MMP26: variants seen among roughly 807,000 people sequenced by gnomAD.
MMP26 encodes matrix metallopeptidase 26, also known as matrix metalloproteinase-26.
In MMP26, 33 loss-of-function variants were observed where a neutral mutation model predicts 31.0. The ratio of observed to expected loss-of-function variants is 1.06; its 90% CI spans 0.81 to 1.42. The LOEUF (loss-of-function observed/expected upper bound fraction) is 1.42. Ranked by LOEUF, MMP26 falls within the 40% of genes most tolerant of loss-of-function variation. The probability of loss-of-function intolerance (pLI) is 0.00; values close to 1 mark genes in which losing one functional copy is unlikely to be tolerated. For synonymous variants in MMP26, 122 were observed against 114.9 expected (o/e 1.06, Z -0.40); for missense variants, 347 against 316.1 (o/e 1.10, Z -0.74).
At chr11:4,780,535 TTTTG>T (rs1848844402) in intron 2 of MMP26, among the ~76,000 whole-genome samples, 1 of 152,186 alleles carries the variant, frequency 6.6e-6, no homozygotes, top group Admixed American at 6.5e-5. Flanking sequence ...TCTTATTGAT[TTTTG>T]TTTATTTTTG....
At chr11:4,778,608 C>T (rs1461820073) in intron 2 of MMP26, among the ~76,000 whole-genome samples, 1 of 152,026 alleles carries the variant, frequency 6.6e-6, no homozygotes, top group African/African-American at 2.4e-5. Context: ...ATTCTATATA[C>T]TTCACATTTT....
At position 4,905,284 on chromosome 11, in the gene MMP26, G is replaced by A. The variant is rs1034698655; in HGVS notation, c.-144-82784G>A. Among the ~76,000 whole-genome samples, 3 of 152,122 alleles carry A rather than the reference G, an allele frequency of 2.0e-5. No individual in the cohort carries two copies. The South Asian group carries it at 6.2e-4, about 31-fold the overall frequency. ...TTCACTACCATGGTGGGAGATTAAT[G>A]AGTCATGCTCAAACTGTTCAAGGCC... On this transcript the variant is annotated intron_variant, in intron 2 of 7. Transcript: ENST00000380390.
intron 2 of MMP26, chr11:4,954,636 A>T (rs189385366): frequency 1.8e-6 from 1 of 570,660 alleles, no homozygotes; most frequent in African/African-American, 1.9e-5. Flanking sequence ...CATTCTCAGT[A>T]TCTAGAGTGA....
intron 2 of MMP26, chr11:4,909,083 A>C (rs35408660): frequency 0.097 from 14,719 of 152,160 alleles, 898 homozygotes; most frequent in Middle Eastern, 0.19. Flanking sequence ...AGATAATTTT[A>C]AACCCCCTAT....
At chr11:4,882,950 C>G in intron 2 of MMP26, 1 of 1,308,918 alleles carries the variant, frequency 7.6e-7, no homozygotes, top group African/African-American at 1.5e-5. Context: ...GTCTTATCCA[C>G]AGGTGTTTTG....
At chr11:4,784,919 T>G (rs1435411054) in intron 2 of MMP26, among the ~76,000 whole-genome samples, 2 of 152,220 alleles carry the variant, frequency 1.3e-5, no homozygotes, top group Non-Finnish European at 2.9e-5. Flanking sequence ...GTAAATGTGT[T>G]GCATATTTCA....
chr11:4,904,069 A>T (rs1341173328), intron 2 of MMP26, among the ~76,000 whole-genome samples: 2 of 151,992 alleles, frequency 1.3e-5, no homozygotes, highest in Non-Finnish European at 2.9e-5. Context: ...AATATAAATT[A>T]CTCTTGTCCA....
At chr11:4,765,165 C>T (rs1354085658) in intron 1 of MMP26, among the ~76,000 whole-genome samples, 2 of 152,158 alleles carry the variant, frequency 1.3e-5, no homozygotes, top group Non-Finnish European at 2.9e-5. Flanking sequence ...AGTTCATCGT[C>T]ATATTCTATG....
At chr11:4,884,994 T>G (rs1327312296) in intron 2 of MMP26, among the ~76,000 whole-genome samples, 1 of 152,174 alleles carries the variant, frequency 6.6e-6, no homozygotes, top group Non-Finnish European at 1.5e-5. Context: ...ATGTGTGATA[T>G]TTCTTCCAGT....
At chr11:4,803,984 G>A in intron 2 of MMP26, 1 of 1,613,796 alleles carries the variant, frequency 6.2e-7, no homozygotes, top group South Asian at 1.1e-5. Context: ...GAGTGTCGGA[G>A]TGGGAAGCAG....
chr11:4,931,824 C>T (rs1428170134), intron 2 of MMP26, among the ~76,000 whole-genome samples: 2 of 151,942 alleles, frequency 1.3e-5, no homozygotes, highest in South Asian at 2.1e-4. Flanking sequence ...TGGTAGCATA[C>T]ATATAGGAGG....
intron 2 of MMP26, among the ~76,000 whole-genome samples, chr11:4,841,605 G>A (rs1202208862): frequency 6.6e-6 from 1 of 152,112 alleles, no homozygotes; most frequent in Non-Finnish European, 1.5e-5. Flanking sequence ...GACAAACAAA[G>A]TTGAGAAATT....
intron 2 of MMP26, chr11:4,882,343 G>T (rs1211793024): frequency 8.7e-6 from 14 of 1,613,890 alleles, no homozygotes; most frequent in Non-Finnish European, 1.2e-5. Context: ...TGATAGGGCT[G>T]GTCATCTGCA....
chr11:4,887,712 G>C (rs1380642420), intron 2 of MMP26, among the ~76,000 whole-genome samples: 1 of 152,040 alleles, frequency 6.6e-6, no homozygotes, highest in Non-Finnish European at 1.5e-5. Context: ...AGCAAGTTGG[G>C]AAATGTGTTA....
intron 2 of MMP26, chr11:4,821,813 C>A: frequency 1.9e-6 from 3 of 1,612,754 alleles, no homozygotes; most frequent in Non-Finnish European, 2.5e-6. Context: ...ATCTGTTACC[C>A]ACTGAGATAC....
At chr11:4,913,558 T>C (rs1182556883) in intron 2 of MMP26, 1 of 152,204 alleles carries the variant, frequency 6.6e-6, no homozygotes, top group African/African-American at 2.4e-5. Context: ...TTATCTAGAA[T>C]GTCTTGGGGG....
chr11:4,775,720 A>G (rs1402081731), intron 2 of MMP26, among the ~76,000 whole-genome samples: 2 of 151,202 alleles, frequency 1.3e-5, no homozygotes, highest in African/African-American at 4.9e-5. Flanking sequence ...GCGAGTGCAG[A>G]GAGTACAAGG....
At chr11:4,915,074 A>T (rs1358718862) in intron 2 of MMP26, 2 of 1,613,942 alleles carry the variant, frequency 1.2e-6, no homozygotes, top group Non-Finnish European at 1.7e-6. Flanking sequence ...GTTGGCCTTC[A>T]TGTCGGCACA....
At chr11:4,886,827 G>A (rs1850552081) in intron 2 of MMP26, among the ~76,000 whole-genome samples, 2 of 151,678 alleles carry the variant, frequency 1.3e-5, no homozygotes, top group South Asian at 4.2e-4. Context: ...TTCCAGGGTT[G>A]CTTTTTTCTT....
Sources: gnomAD v4.1 joint callset for allele counts (sites outside exome capture counted in the v4.1 genomes callset) on GRCh38, gnomAD v4.1.1 for gene constraint, MANE v1.5 for transcripts, NCBI Gene and HGNC (gene_info 2026-07-23, HGNC 2026-07-21) for gene names.